TDRD12: variants seen among roughly 807,000 people sequenced by gnomAD.
TDRD12 encodes putative ATP-dependent RNA helicase TDRD12.
In TDRD12, 158 loss-of-function variants were observed where a neutral mutation model predicts 133.5. The observed-to-expected ratio is 1.18, with a 90% confidence interval of 1.04 to 1.35. The LOEUF (loss-of-function observed/expected upper bound fraction) is 1.35. TDRD12 is among the 40% of genes most tolerant of loss of function. The pLI is 0.00. For missense variants in TDRD12, 1,443 were observed against 1,321.3 expected, an observed-to-expected ratio of 1.09 and a Z score of -1.43; for synonymous variants, 460 against 477.9, an observed-to-expected ratio of 0.96 and a Z score of 0.49.
intron 11 of TDRD12, among the ~76,000 whole-genome samples, chr19:32,777,657 C>T (rs1010342050): frequency 2.0e-5 from 3 of 150,784 alleles, no homozygotes; most frequent in East Asian, 1.9e-4. Flanking sequence ...TAGCAATTTT[C>T]GTTTTGAGAC....
intron 8 of TDRD12, among the ~76,000 whole-genome samples, chr19:32,770,191 G>C (rs1970407329): frequency 6.6e-6 from 1 of 151,902 alleles, no homozygotes; most frequent in African/African-American, 2.4e-5. Context: ...ATTTTTAGTA[G>C]AGACAGGGTT....
chr19:32,732,018 T>G (rs1969073243), intron 2 of TDRD12, 135 bp downstream of exon 2: 1 of 897,394 alleles, frequency 1.1e-6, no homozygotes, highest in Non-Finnish European at 1.6e-6. Flanking sequence ...TTAGGTTTTT[T>G]TTTGAGATGG....
chr19:32,810,316 C>T, intron 23 of TDRD12, 39 bp downstream of exon 23: 1 of 1,436,100 alleles, frequency 7.0e-7, no homozygotes, highest in South Asian at 1.5e-5. Context: ...AGTTTTGAAG[C>T]ATGAGGTAAC....
chr19:32,758,534 GT>G (rs1970060767), intron 8 of TDRD12, among the ~76,000 whole-genome samples: 2 of 152,032 alleles, frequency 1.3e-5, no homozygotes, highest in Non-Finnish European at 2.9e-5. Context: ...TTGAAAATTG[GT>G]TTTCACCAGG....
chr19:32,778,307 TG>T (rs987005805), intron 11 of TDRD12, among the ~76,000 whole-genome samples: 5 of 151,998 alleles, frequency 3.3e-5, no homozygotes, highest in Non-Finnish European at 7.4e-5. Flanking sequence ...CCCACAGAGT[TG>T]GGGATGGCTG....
At chr19:32,820,317 A>C (rs1017179412) in intron 27 of TDRD12, among the ~76,000 whole-genome samples, 2 of 152,160 alleles carry the variant, frequency 1.3e-5, no homozygotes, top group Non-Finnish European at 2.9e-5. Context: ...AAGATGTACA[A>C]AAACTGAGTC....
chr19:32,741,657 C>T (rs1275529215), intron 3 of TDRD12, among the ~76,000 whole-genome samples: 1 of 152,154 alleles, frequency 6.6e-6, no homozygotes, highest in Non-Finnish European at 1.5e-5. Context: ...AGCCACCTTT[C>T]CCTAACCTGT....
At chr19:32,794,485 T>G in intron 13 of TDRD12, 143 bp from the exon 14 acceptor site, 1 of 594,568 alleles carries the variant, frequency 1.7e-6, no homozygotes, top group South Asian at 2.1e-5. Flanking sequence ...GAGAAAAGAT[T>G]TGGGGAAACT....
chr19:32,807,523 G>GAT (rs1971588501), intron 21 of TDRD12, 26 bp from the exon 22 acceptor site: 1 of 1,426,424 alleles, frequency 7.0e-7, no homozygotes, highest in African/African-American at 1.4e-5. Flanking sequence ...ACTTACTTAT[G>GAT]ATAAGTCTAG....
intron 8 of TDRD12, among the ~76,000 whole-genome samples, chr19:32,762,292 G>A (rs1599870877): frequency 6.6e-6 from 1 of 152,078 alleles, no homozygotes; most frequent in East Asian, 1.9e-4. Context: ...TTTCTCCTAT[G>A]TTATTTTCTA....
intron 10 of TDRD12, among the ~76,000 whole-genome samples, chr19:32,774,942 A>G (rs1970538749): frequency 6.6e-6 from 1 of 151,954 alleles, no homozygotes; most frequent in Non-Finnish European, 1.5e-5. Flanking sequence ...CTGAGATCAC[A>G]CCACTGCACT....
chr19:32,735,609 G>A (rs758152139), intron 2 of TDRD12, among the ~76,000 whole-genome samples: 2 of 152,246 alleles, frequency 1.3e-5, no homozygotes, highest in Non-Finnish European at 2.9e-5. Flanking sequence ...CACTAAATAA[G>A]AGGTTTTCAA....
intron 2 of TDRD12, among the ~76,000 whole-genome samples, chr19:32,733,895 ATT>A (rs61612791): frequency 1.4e-5 from 2 of 142,350 alleles, no homozygotes; most frequent in Non-Finnish European, 1.5e-5. Flanking sequence ...TAATTAATTA[ATT>A]TTTTTTTTTT....
chr19:32,811,767 G>A (rs1967014481), intron 24 of TDRD12, among the ~76,000 whole-genome samples: 1 of 152,214 alleles, frequency 6.6e-6, no homozygotes, highest in Non-Finnish European at 1.5e-5. Context: ...ACTTTGGGAA[G>A]CCGAGGGATG....
intron 3 of TDRD12, among the ~76,000 whole-genome samples, chr19:32,742,576 AT>A: frequency 6.6e-6 from 1 of 151,778 alleles, no homozygotes; most frequent in East Asian, 1.9e-4. Flanking sequence ...AAAGAGTACG[AT>A]TTTTTTTCAA....
chr19:32,748,401 A>G, intron 4 of TDRD12, 75 bp from the exon 5 acceptor site: 1 of 1,420,506 alleles, frequency 7.0e-7, no homozygotes, highest in Non-Finnish European at 9.6e-7. Context: ...TGTCCAGTGC[A>G]TGGTTTACAA....
chr19:32,783,552 G>A (rs1238652134), intron 11 of TDRD12, among the ~76,000 whole-genome samples: 2 of 152,126 alleles, frequency 1.3e-5, no homozygotes, highest in Admixed American at 6.6e-5. Context: ...AATTACTTTG[G>A]GCAGTAAGAC....
intron 11 of TDRD12, among the ~76,000 whole-genome samples, chr19:32,778,109 C>G (rs1423223689): frequency 6.6e-6 from 1 of 151,762 alleles, no homozygotes; most frequent in Non-Finnish European, 1.5e-5. Context: ...AAGTGTGAGA[C>G]AGGTCAGAGG....
intron 21 of TDRD12, among the ~76,000 whole-genome samples, chr19:32,803,704 A>G (rs1035921736): frequency 1.3e-5 from 2 of 152,158 alleles, no homozygotes; most frequent in African/African-American, 4.8e-5. Context: ...TCTGGTCAGT[A>G]CTGTCTGACA....
Sources: gnomAD v4.1 joint callset for allele counts (sites outside exome capture counted in the v4.1 genomes callset) on GRCh38, gnomAD v4.1.1 for gene constraint, MANE v1.5 for transcripts, NCBI Gene and HGNC (gene_info 2026-07-23, HGNC 2026-07-21) for gene names.